CUX1: variants seen among roughly 807,000 people sequenced by gnomAD.
CUX1 encodes cut like homeobox 1.
CUX1 carries 31 observed loss-of-function variants against 158.8 expected under a neutral mutation model. The observed-to-expected ratio is 0.20, with a 90% CI of 0.15 to 0.26. The LOEUF (loss-of-function observed/expected upper bound fraction) is 0.26. Ranked by LOEUF, CUX1 falls within the 10% of genes least tolerant of loss-of-function variation. CUX1 has a pLI of 1.00. For missense variants in CUX1, 1,589 were observed against 2,014.6 expected, an observed-to-expected ratio of 0.79 and a Z score of 4.04; for synonymous variants, 879 against 862.1, an observed-to-expected ratio of 1.02 and a Z score of -0.34.
At chr7:101,816,867 C>G (rs2130858165), upstream of CUX1, 38 of 972,620 alleles carry the variant, frequency 3.9e-5, no homozygotes, top group South Asian at 4.7e-5. Context: ...CCGGCTGTCA[C>G]CGGCCCGGGC....
chr7:102,130,402 C>T (rs781831245), intron 8 of CUX1, among the ~76,000 whole-genome samples: 4 of 152,018 alleles, frequency 2.6e-5, no homozygotes, highest in South Asian at 2.1e-4. Context: ...TAGTGTTGGC[C>T]GGGTAAGGTG....
intron 11 of CUX1, among the ~76,000 whole-genome samples, chr7:102,189,367 G>T (rs1302872180): frequency 6.9e-6 from 1 of 144,266 alleles, no homozygotes; most frequent in Non-Finnish European, 1.5e-5. Context: ...TTTGGGTGCG[G>T]GGGGGGATGC....
intron 9 of CUX1, among the ~76,000 whole-genome samples, chr7:102,162,327 G>T (rs1261465553): frequency 2.0e-5 from 3 of 152,108 alleles, no homozygotes; most frequent in Non-Finnish European, 4.4e-5. Context: ...AGGCTGGAGT[G>T]CAGTGGCACA....
At chr7:102,215,861 T>C (rs1261166767) in intron 20 of CUX1, among the ~76,000 whole-genome samples, 3 of 152,076 alleles carry the variant, frequency 2.0e-5, no homozygotes, top group Admixed American at 2.0e-4. Context: ...ACAGGCAGCA[T>C]CATGGAGGGA....
At chr7:102,158,008 C>T (rs1344788190) in intron 8 of CUX1, among the ~76,000 whole-genome samples, 1 of 152,178 alleles carries the variant, frequency 6.6e-6, no homozygotes, top group East Asian at 1.9e-4. Flanking sequence ...CCATCCTCAC[C>T]TGCCCTCCTC....
intron 18 of CUX1, among the ~76,000 whole-genome samples, chr7:102,279,607 C>A (rs1394127513): frequency 2.0e-5 from 3 of 152,164 alleles, no homozygotes; most frequent in Admixed American, 1.3e-4. Flanking sequence ...CCAGCCCTGT[C>A]CCCACCCATC....
chr7:102,145,827 A>G lies in CUX1; in HGVS notation c.675-12733A>G, dbSNP rs529395020. ...CTGGGCATGGTGGCAGGCTCCTGTA[A>G]TCCCAGCTACTCATGAGACTGAGGG... On this transcript the variant is annotated intron_variant, in intron 8 of 23. Transcript: ENST00000292535. Among the ~76,000 whole-genome samples, 5 of 152,234 alleles carry G rather than the reference A, an allele frequency of 3.3e-5. No homozygotes were observed. In the South Asian group the frequency reaches 1.0e-3, roughly 32 times the overall value.
At chr7:102,139,118 A>G (rs1482577935) in intron 8 of CUX1, among the ~76,000 whole-genome samples, 1 of 151,838 alleles carries the variant, frequency 6.6e-6, no homozygotes, top group Non-Finnish European at 1.5e-5. Flanking sequence ...GGTGGTATGC[A>G]CCTGTAATTC....
intron 3 of CUX1, among the ~76,000 whole-genome samples, chr7:102,033,026 C>T (rs1192264837): frequency 1.3e-5 from 2 of 152,190 alleles, no homozygotes; most frequent in East Asian, 3.9e-4. Context: ...GGATGAGGGG[C>T]TGGCTCAGAG....
intron 1 of CUX1, among the ~76,000 whole-genome samples, chr7:101,830,249 C>T (rs898021710): frequency 5.9e-5 from 9 of 152,198 alleles, no homozygotes; most frequent in African/African-American, 2.2e-4. Context: ...ATGGTCGGGG[C>T]AGCACCCACC....
intron 8 of CUX1, among the ~76,000 whole-genome samples, chr7:102,140,796 C>A (rs1834364051): frequency 6.6e-6 from 1 of 150,522 alleles, no homozygotes; most frequent in African/African-American, 2.4e-5. Context: ...ACCCAGGAGG[C>A]AGAGGTTGCG....
chr7:102,170,830 G>A (rs548490846), intron 10 of CUX1, among the ~76,000 whole-genome samples: 11 of 152,228 alleles, frequency 7.2e-5, no homozygotes, highest in Admixed American at 3.9e-4. Context: ...ACACAGTCAC[G>A]ATGCCCCAGC....
At chr7:102,224,205 T>C (rs1304742627) in intron 20 of CUX1, among the ~76,000 whole-genome samples, 1 of 151,996 alleles carries the variant, frequency 6.6e-6, no homozygotes, top group Non-Finnish European at 1.5e-5. Context: ...CTACATTTTA[T>C]TTATTTATTT....
At chr7:102,197,887 CAA>C (rs1164865803) in intron 15 of CUX1, among the ~76,000 whole-genome samples, 1 of 152,076 alleles carries the variant, frequency 6.6e-6, no homozygotes, top group Non-Finnish European at 1.5e-5. Flanking sequence ...GTAAAATACA[CAA>C]AAGTTTTATT....
At chr7:101,835,147 ACCATTTGTCCTCCCTCCTGTACC>A (rs1448638738) in intron 1 of CUX1, among the ~76,000 whole-genome samples, 1 of 152,100 alleles carries the variant, frequency 6.6e-6, no homozygotes. Flanking sequence ...GTCAGCAGTT[ACCATTTGTCCTCCCTCCTGTACC>A]CCCGGCACCC....
Position 102,195,307 on chromosome 7 carries a change from T to C in CUX1, c.1126-200T>C, listed in dbSNP as rs531572826. ...GGAAAATGACTTCAACTAGAATCCA[T>C]TCTTTCTAAAGGGAACTTGTTTTCC... On this transcript the variant is annotated intron_variant, in intron 13 of 23. Coordinates refer to ENST00000292535, the MANE Select transcript of CUX1 (RefSeq NM_181552.4). Among the ~76,000 whole-genome samples, 545 of 152,292 alleles carry C rather than the reference T, an allele frequency of 3.6e-3. 1 individual carries two copies. The highest frequency in any genetic ancestry group is 5.8e-3 in the Non-Finnish European group (396 of 68,018).
intron 1 of CUX1, among the ~76,000 whole-genome samples, chr7:101,857,017 C>T (rs572798802): frequency 6.6e-6 from 1 of 152,350 alleles, no homozygotes; most frequent in African/African-American, 2.4e-5. Context: ...AAGTCCTGCC[C>T]AGCTCCGGTT....
At chr7:102,227,901 T>TGGAGTCAGAGTGGACTCGGGA (rs1798511328) in intron 21 of CUX1, among the ~76,000 whole-genome samples, 1 of 151,496 alleles carries the variant, frequency 6.6e-6, no homozygotes, top group East Asian at 1.9e-4. Flanking sequence ...AAGATGAGCA[T>TGGAGTCAGAGTGGACTCGGGA]GGAGTCAGAG....
At chr7:102,139,244 T>TAAAAAAA (rs11459794) in intron 8 of CUX1, among the ~76,000 whole-genome samples, 1 of 93,172 alleles carries the variant, frequency 1.1e-5, no homozygotes. Context: ...GACTACATCT[T>TAAAAAAA]AAAAAAAAAA....
Sources: allele counts gnomAD v4.1 joint callset (sites outside exome capture counted in the v4.1 genomes callset), GRCh38; gene constraint gnomAD v4.1.1; transcripts MANE v1.5; gene names NCBI Gene and HGNC (gene_info 2026-07-23, HGNC 2026-07-21).